The following DPP10 variants were observed in gnomAD, a reference collection of about 807,000 sequenced individuals.
DPP10 encodes dipeptidyl peptidase like 10.
In DPP10, 33 loss-of-function variants were observed where a neutral mutation model predicts 120.9. The ratio of observed to expected loss-of-function variants is 0.27; its 90% confidence interval spans 0.21 to 0.37. The LOEUF (loss-of-function observed/expected upper bound fraction) is 0.37. DPP10 is among the 10% of genes least tolerant of loss of function. The pLI is 1.00. For synonymous variants in DPP10, 337 were observed against 326.1 expected (o/e 1.03, Z -0.36); for missense variants, 816 against 942.8 (o/e 0.87, Z 1.76).
intron 1 of DPP10, among the ~76,000 whole-genome samples, chr2:115,177,462 AAC>A (rs1285605380): frequency 1.3e-5 from 2 of 152,168 alleles, no homozygotes; most frequent in Non-Finnish European, 2.9e-5. Flanking sequence ...TTTTAAATAA[AAC>A]ACACAATCTT....
chr2:115,270,066 T>TCACACACACACACACACA (rs57649162), intron 1 of DPP10, among the ~76,000 whole-genome samples: 30 of 130,724 alleles, frequency 2.3e-4, no homozygotes, highest in Admixed American at 8.5e-4. Context: ...TAGGTATACT[T>TCACACACACACACACACA]CACACACACA....
At chr2:114,925,072 A>T (rs1465282432) in intron 1 of DPP10, among the ~76,000 whole-genome samples, 1 of 152,104 alleles carries the variant, frequency 6.6e-6, no homozygotes, top group Admixed American at 6.5e-5. Context: ...TTATCTGGGC[A>T]TAGTGGCGGG....
intron 5 of DPP10, among the ~76,000 whole-genome samples, chr2:115,529,386 T>G (rs1054061269): frequency 6.6e-6 from 1 of 151,918 alleles, no homozygotes; most frequent in Non-Finnish European, 1.5e-5. Flanking sequence ...TCAGGCTGGA[T>G]TTGAACTCCT....
intron 1 of DPP10, among the ~76,000 whole-genome samples, chr2:115,153,041 T>C (rs952430362): frequency 3.9e-5 from 6 of 152,162 alleles, no homozygotes; most frequent in Non-Finnish European, 7.3e-5. Context: ...TTGCAGTTTA[T>C]AGAAGAGGAA....
chr2:114,746,645 G>A (rs889673062), intron 1 of DPP10, among the ~76,000 whole-genome samples: 1 of 152,166 alleles, frequency 6.6e-6, no homozygotes, highest in Non-Finnish European at 1.5e-5. Context: ...GTTGACCTGA[G>A]AATGATGCTA....
intron 1 of DPP10, among the ~76,000 whole-genome samples, chr2:114,549,191 A>G (rs1446835386): frequency 6.6e-6 from 1 of 150,724 alleles, no homozygotes; most frequent in East Asian, 2.0e-4. Context: ...AGCTGGCCCC[A>G]TGCACTCACT....
At chr2:115,589,168 A>C (rs553056665) in intron 5 of DPP10, among the ~76,000 whole-genome samples, 1 of 152,312 alleles carries the variant, frequency 6.6e-6, no homozygotes, top group Non-Finnish European at 1.5e-5. Flanking sequence ...GCATTTAGTA[A>C]CCACGAAACT....
intron 1 of DPP10, among the ~76,000 whole-genome samples, chr2:115,307,626 C>T (rs983809291): frequency 6.6e-6 from 1 of 152,060 alleles, no homozygotes; most frequent in African/African-American, 2.4e-5. Flanking sequence ...TGATTTACAG[C>T]AGCAGCCTCT....
intron 1 of DPP10, among the ~76,000 whole-genome samples, chr2:114,905,744 C>T (rs1264035625): frequency 6.6e-6 from 1 of 152,118 alleles, no homozygotes; most frequent in East Asian, 1.9e-4. Flanking sequence ...AACAGGGTCT[C>T]ATTATATTGC....
Position 115,401,792 on chromosome 2 carries a change from A to T in DPP10, c.271+57880A>T, listed in dbSNP as rs188640100. 3.8e-3 allele frequency among the ~76,000 whole-genome samples: 579 copies of T among 152,230 alleles called. 4 individuals carry two copies. Among genetic ancestry groups the T allele is most frequent in the African/African-American group, 0.012 (514 of 41,528 alleles). On this transcript the variant is annotated intron_variant, in intron 3 of 25. Transcript: ENST00000410059. ...TCTAATATATTAAATTTTCAACCAC[A>T]AATTATGTGATATCCGAAGAAACAT...
At chr2:115,361,600 C>G (rs1477270513) in intron 3 of DPP10, among the ~76,000 whole-genome samples, 1 of 152,124 alleles carries the variant, frequency 6.6e-6, no homozygotes, top group Non-Finnish European at 1.5e-5. Flanking sequence ...AAGCAGTTCC[C>G]CTGCCGATTC....
At chr2:114,821,407 T>G (rs1023397464) in intron 1 of DPP10, among the ~76,000 whole-genome samples, 1 of 148,754 alleles carries the variant, frequency 6.7e-6, no homozygotes, top group Non-Finnish European at 1.5e-5. Flanking sequence ...TGCCAGGCTC[T>G]AAAAGTGGGG....
At chr2:114,548,997 A>G (rs1687648976) in intron 1 of DPP10, among the ~76,000 whole-genome samples, 2 of 152,254 alleles carry the variant, frequency 1.3e-5, no homozygotes, top group African/African-American at 4.8e-5. Context: ...ACACGAGCAC[A>G]TAGAAATAAA....
chr2:115,255,341 A>C (rs1170934876), intron 1 of DPP10, among the ~76,000 whole-genome samples: 2 of 152,126 alleles, frequency 1.3e-5, no homozygotes, highest in African/African-American at 4.8e-5. Context: ...CCTATGCTGC[A>C]CACAGTAGGG....
Position 115,583,743 on chromosome 2 carries a change from C to G in DPP10, c.441+57771C>G, listed in dbSNP as rs80089408. ...AAGGAAAGAGGTATAGACACAACCT[C>G]TCAGGGAGAAAAACATCACCAAATT... On this transcript the variant is annotated intron_variant, in intron 5 of 25. Coordinates refer to ENST00000410059, the MANE Select transcript of DPP10 (RefSeq NM_020868.6). Among the ~76,000 whole-genome samples, 363 of 152,254 alleles carry G rather than the reference C, an allele frequency of 2.4e-3. 14 individuals are homozygous for G. In the East Asian group the frequency reaches 0.067, roughly 28 times the overall value.
rs532376630 is a variant in DPP10, at chr2:115,805,639, A to G, written c.1701-9154A>G. Among the ~76,000 whole-genome samples, 6 of 150,928 alleles carry G rather than the reference A, an allele frequency of 4.0e-5. No homozygotes were observed. In the South Asian group the frequency reaches 1.0e-3, roughly 26 times the overall value. On this transcript the variant is annotated intron_variant, in intron 19 of 25. Transcript: ENST00000410059. ...GCCCAGGCTGGAGTGCAGTGGTGCAATCTTGGCTCACTGCAACCTCTGCCT... is the reference window on the plus strand; with the variant it reads ...GCCCAGGCTGGAGTGCAGTGGTGCAGTCTTGGCTCACTGCAACCTCTGCCT...
At position 115,121,842 on chromosome 2, in the gene DPP10, G is replaced by A. The variant is rs544493826; in HGVS notation, c.61-187397G>A. On this transcript the variant is annotated intron_variant, in intron 1 of 25. Coordinates refer to ENST00000410059, the MANE Select transcript of DPP10 (RefSeq NM_020868.6). ...GAGGAGGCTAATTTGAGTATTTCTT[G>A]TATAGGGGCACTGGGTCCTGAGGCT... 1.1e-4 allele frequency among the ~76,000 whole-genome samples: 16 copies of A among 152,244 alleles called. No individual in the cohort carries two copies. In the East Asian group the frequency reaches 3.1e-3, roughly 29 times the overall value.
At chr2:114,815,362 A>T (rs999806563) in intron 1 of DPP10, among the ~76,000 whole-genome samples, 10 of 152,180 alleles carry the variant, frequency 6.6e-5, no homozygotes, top group Middle Eastern at 3.2e-3. Context: ...GAAAGGTAGG[A>T]AGTGGCCCCC....
intron 5 of DPP10, among the ~76,000 whole-genome samples, chr2:115,567,463 T>TTCCC (rs1307163294): frequency 2.0e-5 from 3 of 152,134 alleles, no homozygotes; most frequent in Non-Finnish European, 4.4e-5. Context: ...TTGATTCCTT[T>TTCCC]TGCACTTTGC....
Sources: gnomAD v4.1 joint callset for allele counts (sites outside exome capture counted in the v4.1 genomes callset) on GRCh38, gnomAD v4.1.1 for gene constraint, MANE v1.5 for transcripts, NCBI Gene and HGNC (gene_info 2026-07-23, HGNC 2026-07-21) for gene names.